The following TBC1D4 variants were observed in gnomAD, a reference collection of about 807,000 sequenced individuals.
The protein encoded by TBC1D4 is TBC (Tre-2, BUB2, CDC16) domain-containing protein.
Under a neutral mutation model 142.5 loss-of-function variants are expected in TBC1D4, and 121 were observed. The ratio of observed to expected loss-of-function variants is 0.85; its 90% confidence interval spans 0.73 to 0.99. The LOEUF (loss-of-function observed/expected upper bound fraction) is 0.99. TBC1D4 is among the 50% of genes least tolerant of loss of function. TBC1D4 has a pLI of 0.00. For synonymous variants in TBC1D4, 630 were observed against 628.2 expected (o/e 1.00, Z -0.04); for missense variants, 1,475 against 1,606.6 (o/e 0.92, Z 1.40).
intron 19 of TBC1D4, 98 bp from the exon 20 acceptor site, chr13:75,289,208 TATTA>T (rs763255824): frequency 3.7e-5 from 54 of 1,444,496 alleles, no homozygotes; most frequent in Non-Finnish European, 5.1e-5. Flanking sequence ...TCCAAATACT[TATTA>T]ATGAAGAACA....
intron 8 of TBC1D4, among the ~76,000 whole-genome samples, chr13:75,335,425 A>C (rs1359931498): frequency 6.6e-6 from 1 of 152,192 alleles, no homozygotes; most frequent in Non-Finnish European, 1.5e-5. Context: ...TTAAAATGGA[A>C]TATATATACT....
In TBC1D4 at chr13:75,309,187, AT is replaced by A. The variant is rs987722270; in HGVS notation, c.2593+754del. Among the ~76,000 whole-genome samples, 3 of 152,214 alleles carry A rather than the reference AT, an allele frequency of 2.0e-5. No homozygotes were observed. The East Asian group carries it at 5.8e-4, about 29-fold the overall frequency. On this transcript the variant is annotated intron_variant, in intron 14 of 20. Coordinates refer to ENST00000377636, the MANE Select transcript of TBC1D4 (RefSeq NM_014832.5). The stretch of plus-strand genomic sequence containing the variant: ...TTTCCCAAAATAATGAAATTTATAC[AT>A]TTTTTTGGATTTCTTAGCATCTCCT...
chr13:75,409,060 C>CACAT (rs1555317982), intron 1 of TBC1D4, among the ~76,000 whole-genome samples: 1 of 152,026 alleles, frequency 6.6e-6, no homozygotes, highest in African/African-American at 2.4e-5. Flanking sequence ...CACACACACT[C>CACAT]ACATACATAC....
intron 4 of TBC1D4, among the ~76,000 whole-genome samples, chr13:75,355,833 T>C (rs942752598): frequency 6.6e-6 from 1 of 152,220 alleles, no homozygotes; most frequent in Admixed American, 6.5e-5. Context: ...TGGCCTTCCT[T>C]ATCTTCTCAT....
intron 1 of TBC1D4, among the ~76,000 whole-genome samples, chr13:75,367,198 G>T (rs183402451): frequency 1.9e-4 from 29 of 152,216 alleles, no homozygotes; most frequent in Middle Eastern, 3.4e-3. Flanking sequence ...TCTTTAAAAA[G>T]AAACATTTTA....
At chr13:75,323,480 GTATA>G (rs370813544) in intron 11 of TBC1D4, among the ~76,000 whole-genome samples, 2 of 152,144 alleles carry the variant, frequency 1.3e-5, no homozygotes, top group East Asian at 3.9e-4. Context: ...ATTATTGCAT[GTATA>G]ATTTTAATTT....
chr13:75,320,128 A>C, intron 11 of TBC1D4, 91 bp from the exon 12 acceptor site: 1 of 1,399,620 alleles, frequency 7.1e-7, no homozygotes, highest in Non-Finnish European at 1.0e-6. Context: ...ATAAGTCATC[A>C]ATAAGTCATG....
At position 75,295,650 on chromosome 13, in the gene TBC1D4, A is replaced by G. The variant is rs74874563; in HGVS notation, c.3157-637T>C. ...AATATTTCTAGAACTAAAAGAAAAA[A>G]TTATTTCATTTGGCTACTGAGTTGG... On this transcript the variant is annotated intron_variant, in intron 17 of 20. Coordinates refer to ENST00000377636, the MANE Select transcript of TBC1D4 (RefSeq NM_014832.5). 2.3e-3 allele frequency among the ~76,000 whole-genome samples: 350 copies of G among 152,350 alleles called. 1 individual carries two copies. Among genetic ancestry groups the G allele is most frequent in the African/African-American group, 8.1e-3 (336 of 41,594 alleles).
chr13:75,368,974 G>A (rs1469938454), intron 1 of TBC1D4, among the ~76,000 whole-genome samples: 1 of 152,118 alleles, frequency 6.6e-6, no homozygotes, highest in Non-Finnish European at 1.5e-5. Context: ...AGCCTGGGAG[G>A]CAGAGGTTGC....
chr13:75,405,301 C>T (rs1236270103), intron 1 of TBC1D4, among the ~76,000 whole-genome samples: 3 of 134,064 alleles, frequency 2.2e-5, no homozygotes, highest in Non-Finnish European at 3.1e-5. Flanking sequence ...GATGGAGTCT[C>T]GCTCTGTCAC....
chr13:75,356,804 T>C (rs1406321341), intron 3 of TBC1D4, among the ~76,000 whole-genome samples: 2 of 152,178 alleles, frequency 1.3e-5, no homozygotes, highest in African/African-American at 4.8e-5. Flanking sequence ...TTATCCACAG[T>C]GACAAATCAT....
At chr13:75,469,389 G>C (rs1052069327) in intron 1 of TBC1D4, among the ~76,000 whole-genome samples, 25 of 152,118 alleles carry the variant, frequency 1.6e-4, no homozygotes, top group African/African-American at 5.8e-4. Context: ...AAGGAGAAGA[G>C]GTGAGAGGCA....
At chr13:75,452,851 A>G (rs1887586420) in intron 1 of TBC1D4, among the ~76,000 whole-genome samples, 1 of 152,064 alleles carries the variant, frequency 6.6e-6, no homozygotes, top group Non-Finnish European at 1.5e-5. Flanking sequence ...TTCTCTTTTT[A>G]AAGTGTCTGT....
intron 1 of TBC1D4, among the ~76,000 whole-genome samples, chr13:75,470,707 G>A (rs367747019): frequency 6.6e-6 from 1 of 152,090 alleles, no homozygotes; most frequent in South Asian, 2.1e-4. Context: ...TATATGATGG[G>A]TTGGCCAGGC....
intron 14 of TBC1D4, among the ~76,000 whole-genome samples, chr13:75,308,745 T>G (rs1877433473): frequency 6.6e-6 from 1 of 152,200 alleles, no homozygotes; most frequent in African/African-American, 2.4e-5. Context: ...CTGCGAAACC[T>G]CAAGTGGGCA....
At chr13:75,322,992 T>C (rs904267203) in intron 11 of TBC1D4, among the ~76,000 whole-genome samples, 2 of 152,126 alleles carry the variant, frequency 1.3e-5, no homozygotes, top group Non-Finnish European at 2.9e-5. Context: ...AGGATCAAAA[T>C]TATATTAATC....
At chr13:75,436,654 C>A in intron 1 of TBC1D4, among the ~76,000 whole-genome samples, 1 of 144,370 alleles carries the variant, frequency 6.9e-6, no homozygotes. Flanking sequence ...GAGACCCTGT[C>A]TCCAAAAAAA....
chr13:75,402,216 T>C (rs1393329385), intron 1 of TBC1D4, among the ~76,000 whole-genome samples: 1 of 152,182 alleles, frequency 6.6e-6, no homozygotes, highest in Non-Finnish European at 1.5e-5. Context: ...CATCTTTATA[T>C]TAAAATACAT....
chr13:75,399,755 A>G (rs896360686), intron 1 of TBC1D4, among the ~76,000 whole-genome samples: 4 of 152,194 alleles, frequency 2.6e-5, no homozygotes, highest in Admixed American at 1.3e-4. Flanking sequence ...CTTGAATGCA[A>G]TCTGGCCCTG....
Sources: gnomAD v4.1 joint callset for allele counts (sites outside exome capture counted in the v4.1 genomes callset) on GRCh38, gnomAD v4.1.1 for gene constraint, MANE v1.5 for transcripts, NCBI Gene and HGNC (gene_info 2026-07-23, HGNC 2026-07-21) for gene names.